The following GUCY1A2 variants were observed in gnomAD, a reference collection of about 807,000 sequenced individuals.
The protein encoded by GUCY1A2 is guanylate cyclase soluble subunit alpha-2.
GUCY1A2 carries 27 observed loss-of-function variants against 63.5 expected under a neutral mutation model. The ratio of observed to expected loss-of-function variants is 0.43; its 90% CI spans 0.31 to 0.59. GUCY1A2 has a LOEUF of 0.59. Ranked by LOEUF, GUCY1A2 falls within the 20% of genes least tolerant of loss-of-function variation. The probability of loss-of-function intolerance (pLI) is 0.11; values close to 1 mark genes in which losing one functional copy is unlikely to be tolerated. For missense variants in GUCY1A2, 768 were observed against 913.3 expected (o/e 0.84, Z 2.05); for synonymous variants, 364 against 343.5 (o/e 1.06, Z -0.66).
chr11:106,770,753 A>C (rs772798370), intron 6 of GUCY1A2, among the ~76,000 whole-genome samples: 2 of 151,542 alleles, frequency 1.3e-5, no homozygotes, highest in African/African-American at 4.8e-5. Flanking sequence ...CTGTAATTTA[A>C]TGTGTTACAA....
chr11:106,710,320 A>T (rs1308645845), intron 6 of GUCY1A2, among the ~76,000 whole-genome samples: 1 of 18,706 alleles, frequency 5.3e-5, no homozygotes, highest in East Asian at 1.2e-3. Flanking sequence ...CATGTATATA[A>T]TATAGTTATA....
chr11:106,919,177 T>C (rs899166043), intron 4 of GUCY1A2, among the ~76,000 whole-genome samples: 5 of 152,152 alleles, frequency 3.3e-5, no homozygotes, highest in African/African-American at 1.2e-4. Context: ...TGCTCATGTT[T>C]TTTGTCCAAT....
chr11:106,700,819 C>A (rs1199451738), intron 7 of GUCY1A2, among the ~76,000 whole-genome samples: 2 of 151,538 alleles, frequency 1.3e-5, no homozygotes, highest in African/African-American at 4.8e-5. Flanking sequence ...GAAAAGGCTA[C>A]AGAAAAACTA....
At chr11:107,016,027 C>G (rs1861818607) in intron 1 of GUCY1A2, among the ~76,000 whole-genome samples, 1 of 152,166 alleles carries the variant, frequency 6.6e-6, no homozygotes, top group South Asian at 2.1e-4. Flanking sequence ...TATACATCTT[C>G]AATCAGGTCT....
At chr11:106,945,564 A>G (rs1445819412) in intron 3 of GUCY1A2, among the ~76,000 whole-genome samples, 4 of 152,242 alleles carry the variant, frequency 2.6e-5, no homozygotes, top group Admixed American at 2.6e-4. Flanking sequence ...TACATCATAT[A>G]CAAATGTGTA....
chr11:106,855,505 G>A (rs1206816138), intron 4 of GUCY1A2, among the ~76,000 whole-genome samples: 1 of 152,116 alleles, frequency 6.6e-6, no homozygotes, highest in African/African-American at 2.4e-5. Flanking sequence ...GTGACTGCGG[G>A]ATACTTCTAG....
At position 106,686,728 on chromosome 11, in the gene GUCY1A2, A is replaced by G. The variant is rs953764644; in HGVS notation, c.*821T>C. On this transcript the variant is annotated 3_prime_UTR_variant, in exon 8 of 8. Coordinates refer to ENST00000526355, the MANE Select transcript of GUCY1A2 (RefSeq NM_000855.3). ...AAGGTGGCAAAAAGACCTTTCTTTA[A>G]TCTTGGTTACAGATACATCTGGTGT... is the stretch of plus-strand genomic sequence containing the variant. The G allele has an allele frequency of 9.8e-6, 2 of 204,634 alleles. No individual in the cohort carries two copies. The highest frequency in any genetic ancestry group is 2.3e-5 in the African/African-American group (1 of 43,788). The allele number at this position is 204,634 out of a possible 1,614,324, so 12.7% of individuals were successfully genotyped here.
chr11:106,798,999 T>A (rs1426340620), intron 5 of GUCY1A2, among the ~76,000 whole-genome samples: 1 of 152,216 alleles, frequency 6.6e-6, no homozygotes, highest in Non-Finnish European at 1.5e-5. Context: ...GACATGATTG[T>A]ATATTTAGAA....
In GUCY1A2 at chr11:106,986,123, C is replaced by T. The variant is rs747114937; in HGVS notation, c.312G>A (p.Thr104=). The part of the protein sequence containing the change: ...ISRLTAPSPQ[T]IQQTLKRTLQ... ...GTGTCCTCTTGAGAGTCTGCTGTAT[C>T]GTCTGAGGCTACAGAATAATAATAA... Residue 104 remains threonine, a synonymous_variant, in exon 2 of 8, where the codon ACG becomes ACA. Transcript: ENST00000526355. 9.0e-6 allele frequency: 13 copies of T among 1,443,888 alleles called. No homozygotes were observed. The highest frequency in any genetic ancestry group is 1.4e-5 in the African/African-American group (1 of 71,694). The allele number at this position is 1,443,888 out of a possible 1,614,324, so 89.4% of individuals were successfully genotyped here.
chr11:106,891,382 TC>T (rs1859972154), intron 4 of GUCY1A2, among the ~76,000 whole-genome samples: 1 of 152,146 alleles, frequency 6.6e-6, no homozygotes, highest in African/African-American at 2.4e-5. Context: ...AAATATTTGC[TC>T]CCTGTCTGTG....
rs754459213 is a variant in GUCY1A2 at position 106,940,222 on chromosome 11, A to C, written c.488-44T>G. The C allele has an allele frequency of 2.9e-5, 25 of 876,420 alleles. 1 individual carries two copies. Among genetic ancestry groups the C allele is most frequent in the Non-Finnish European group, 3.6e-5 (20 of 556,200 alleles). 54.3% of individuals were successfully genotyped at this position (876,420 alleles called of 1,614,324 possible). On this transcript the variant is annotated intron_variant, in intron 3 of 7. Coordinates refer to ENST00000526355, the MANE Select transcript of GUCY1A2 (RefSeq NM_000855.3). ...CAAATGTTAGTGAAGTCTAATATAA[A>C]TAATTGAATTTATAGCTTTTTAAGT... is the stretch of plus-strand genomic sequence containing the variant.
chr11:107,016,647 TGAGA>T (rs1365082349), intron 1 of GUCY1A2, among the ~76,000 whole-genome samples: 4 of 152,062 alleles, frequency 2.6e-5, no homozygotes, highest in African/African-American at 9.7e-5. Flanking sequence ...CACCAAAAAA[TGAGA>T]GAGAAAGCAC....
intron 6 of GUCY1A2, among the ~76,000 whole-genome samples, chr11:106,766,057 T>C (rs1187860976): frequency 6.6e-6 from 1 of 152,150 alleles, no homozygotes; most frequent in African/African-American, 2.4e-5. Context: ...GGAAACCACA[T>C]TCCAAATAAG....
At chr11:106,798,531 C>A (rs1864810073) in intron 5 of GUCY1A2, among the ~76,000 whole-genome samples, 1 of 152,146 alleles carries the variant, frequency 6.6e-6, no homozygotes, top group Non-Finnish European at 1.5e-5. Flanking sequence ...TACTGGCAAA[C>A]CAAATCCAGC....
intron 6 of GUCY1A2, among the ~76,000 whole-genome samples, chr11:106,769,404 C>T (rs1025116127): frequency 1.3e-5 from 2 of 151,864 alleles, no homozygotes; most frequent in African/African-American, 4.8e-5. Flanking sequence ...TTTTTACAAC[C>T]AACTGAGGGA....
rs75578432 is a variant in GUCY1A2 at position 106,842,354 on chromosome 11, T to C, written c.1207-31876A>G. 6.8e-3 allele frequency among the ~76,000 whole-genome samples: 1,041 copies of C among 152,096 alleles called. 16 individuals are homozygous for C. Among genetic ancestry groups the C allele is most frequent in the African/African-American group, 0.023 (953 of 41,528 alleles). ...CCCACTGAGTGTGGCATTAAGTTCCTGCTGGGGCCCTGACTGATATGCTAA... is the reference window on the plus strand; with the variant it reads ...CCCACTGAGTGTGGCATTAAGTTCCCGCTGGGGCCCTGACTGATATGCTAA... On this transcript the variant is annotated intron_variant, in intron 4 of 7. Coordinates refer to ENST00000526355, the MANE Select transcript of GUCY1A2 (RefSeq NM_000855.3).
intron 4 of GUCY1A2, among the ~76,000 whole-genome samples, chr11:106,918,263 G>A (rs1275358829): frequency 1.4e-5 from 2 of 144,446 alleles, no homozygotes; most frequent in Non-Finnish European, 3.1e-5. Context: ...AAAAAATTGT[G>A]GTAAATGCAA....
intron 7 of GUCY1A2, among the ~76,000 whole-genome samples, chr11:106,695,762 G>T (rs546134470): frequency 6.6e-6 from 1 of 152,274 alleles, no homozygotes; most frequent in Non-Finnish European, 1.5e-5. Context: ...AGGAAAGGAA[G>T]AATCTAGCTC....
chr11:106,748,898 G>T (rs1447269939), intron 6 of GUCY1A2, among the ~76,000 whole-genome samples: 3 of 152,022 alleles, frequency 2.0e-5, no homozygotes, highest in Non-Finnish European at 4.4e-5. Flanking sequence ...AGACCTCATT[G>T]TGCACAGCAA....
Sources: gnomAD v4.1 joint callset for allele counts (sites outside exome capture counted in the v4.1 genomes callset) on GRCh38, gnomAD v4.1.1 for gene constraint, MANE v1.5 for transcripts, NCBI Gene and HGNC (gene_info 2026-07-23, HGNC 2026-07-21) for gene names.